The following SOCS5 variants were observed in gnomAD, a reference collection of about 807,000 sequenced individuals.
The protein encoded by SOCS5 is suppressor of cytokine signaling 5, also known as CIS-6.
SOCS5 carries 32 observed loss-of-function variants against 42.8 expected under a neutral mutation model. That is an observed-to-expected ratio of 0.75 (90% CI 0.56 to 1.01). SOCS5 has a LOEUF of 1.01. SOCS5 is among the 50% of genes least tolerant of loss of function. The probability of loss-of-function intolerance (pLI) is 0.00; values close to 1 mark genes in which losing one functional copy is unlikely to be tolerated. For missense variants in SOCS5, 627 were observed against 653.0 expected (o/e 0.96, Z 0.43); for synonymous variants, 283 against 229.6 (o/e 1.23, Z -2.10).
Position 46,729,479 on chromosome 2 carries a change from C to T in SOCS5, c.-12-29040C>T, listed in dbSNP as rs114290175. On this transcript the variant is annotated intron_variant, in intron 1 of 1. Transcript: ENST00000394861. ...AGGCCGTATAGCGTAGCCTGTTGCTCGTAGGCTACAAACCTGTATAGCCTG... is the reference window on the plus strand; with the variant it reads ...AGGCCGTATAGCGTAGCCTGTTGCTTGTAGGCTACAAACCTGTATAGCCTG... Among the ~76,000 whole-genome samples, 1,320 of 152,296 alleles carry T rather than the reference C, an allele frequency of 8.7e-3. 10 individuals are homozygous for T. Among genetic ancestry groups the T allele is most frequent in the African/African-American group, 0.016 (665 of 41,556 alleles).
chr2:46,707,469 A>G (rs1672521686), intron 1 of SOCS5, among the ~76,000 whole-genome samples: 1 of 152,220 alleles, frequency 6.6e-6, no homozygotes, highest in Admixed American at 6.5e-5. Flanking sequence ...TATTTATTGT[A>G]GATGATTAGA....
At chr2:46,731,512 G>A (rs1297597810) in intron 1 of SOCS5, among the ~76,000 whole-genome samples, 1 of 152,184 alleles carries the variant, frequency 6.6e-6, no homozygotes, top group Non-Finnish European at 1.5e-5. Flanking sequence ...CCCTCAAGGA[G>A]TTTACTGTCT....
At chr2:46,711,113 A>G (rs981921667) in intron 1 of SOCS5, among the ~76,000 whole-genome samples, 5 of 152,186 alleles carry the variant, frequency 3.3e-5, no homozygotes, top group African/African-American at 1.2e-4. Flanking sequence ...GCTACCATGA[A>G]CATTCTTGTA....
intron 1 of SOCS5, among the ~76,000 whole-genome samples, chr2:46,738,295 A>G (rs866164545): frequency 6.6e-6 from 1 of 152,314 alleles, no homozygotes. Context: ...AAATCTAGGA[A>G]TGAGACAAAA....
At chr2:46,724,143 T>G (rs1672943756) in intron 1 of SOCS5, among the ~76,000 whole-genome samples, 1 of 151,942 alleles carries the variant, frequency 6.6e-6, no homozygotes, top group South Asian at 2.1e-4. Flanking sequence ...TTGTAAGAGG[T>G]TTGCTTGGTA....
At chr2:46,728,762 G>C (rs1673048447) in intron 1 of SOCS5, among the ~76,000 whole-genome samples, 2 of 152,248 alleles carry the variant, frequency 1.3e-5, no homozygotes, top group Admixed American at 1.3e-4. Context: ...CTCCATGTTG[G>C]CCAGACTGGT....
chr2:46,719,103 T>G (rs943759160), intron 1 of SOCS5, among the ~76,000 whole-genome samples: 2 of 152,178 alleles, frequency 1.3e-5, no homozygotes, highest in Non-Finnish European at 2.9e-5. Flanking sequence ...TCTTTAAAAT[T>G]TTTATTTAGT....
chr2:46,743,619 G>C (rs1673427222), intron 1 of SOCS5, among the ~76,000 whole-genome samples: 1 of 152,136 alleles, frequency 6.6e-6, no homozygotes, highest in African/African-American at 2.4e-5. Flanking sequence ...CTGTGACTTA[G>C]AATGCCTTAA....
Position 46,758,529 on chromosome 2 carries a change from C to G in SOCS5, c.-2C>G, listed in dbSNP as rs1440448541. ...CTGTTTTGTCTTTAGATTTTATAAT[C>G]AATGGATAAAGTGGGAAAAATGTGG... On this transcript the variant is annotated 5_prime_UTR_variant, in exon 2 of 2. The change creates a new upstream start codon in the 5' untranslated region. Coordinates refer to ENST00000394861, the MANE Select transcript of SOCS5 (RefSeq NM_144949.3). The G allele has an allele frequency of 1.9e-6, 3 of 1,574,136 alleles. No homozygotes were observed. The highest frequency in any genetic ancestry group is 4.5e-5 in the East Asian group (2 of 44,622).
At chr2:46,715,136 A>T (rs1672709341) in intron 1 of SOCS5, among the ~76,000 whole-genome samples, 1 of 152,186 alleles carries the variant, frequency 6.6e-6, no homozygotes. Context: ...TGGGAGGCTG[A>T]GGTGGGTGGA....
chr2:46,738,300 A>G (rs1380178364), intron 1 of SOCS5, among the ~76,000 whole-genome samples: 3 of 152,184 alleles, frequency 2.0e-5, no homozygotes, highest in Non-Finnish European at 4.4e-5. Flanking sequence ...TAGGAATGAG[A>G]CAAAAATCTG....
chr2:46,740,213 C>G (rs1673340446), intron 1 of SOCS5, among the ~76,000 whole-genome samples: 1 of 152,104 alleles, frequency 6.6e-6, no homozygotes, highest in East Asian at 1.9e-4. Flanking sequence ...CTTACCTGGC[C>G]ATAGGTGATT....
chr2:46,759,510 A>T lies in SOCS5; in HGVS notation c.980A>T (p.Asp327Val), dbSNP rs547500762. The change falls in exon 2 of 2, where the codon GAT becomes GTT. Residue 327 changes from aspartate (D) to valine (V), a missense_variant. Transcript: ENST00000394861. ...IPQANCDSEE[D>V]TTTLCLQSRR... The stretch of plus-strand genomic sequence containing the variant: ...CAAGCTAATTGTGACTCGGAAGAGG[A>T]TACAACCACCCTGTGTTTGCAGTCA... The T allele has an allele frequency of 4.3e-6, 7 of 1,614,030 alleles. No homozygotes were observed. The highest frequency in any genetic ancestry group is 5.1e-6 in the Non-Finnish European group (6 of 1,179,872).
intron 1 of SOCS5, among the ~76,000 whole-genome samples, chr2:46,754,412 G>A (rs1224341374): frequency 6.6e-6 from 1 of 152,000 alleles, no homozygotes; most frequent in Non-Finnish European, 1.5e-5. Context: ...GTATTTCAGA[G>A]TCATTCAACT....
intron 1 of SOCS5, among the ~76,000 whole-genome samples, chr2:46,724,328 G>T (rs1453375003): frequency 1.3e-5 from 2 of 151,670 alleles, no homozygotes; most frequent in Non-Finnish European, 2.9e-5. Context: ...AATTATAGAG[G>T]GGAAAGCATT....
At chr2:46,700,118 G>T (rs184443451) in intron 1 of SOCS5, among the ~76,000 whole-genome samples, 1 of 152,124 alleles carries the variant, frequency 6.6e-6, no homozygotes, top group African/African-American at 2.4e-5. Context: ...TAGCAGAAGC[G>T]GAGTGATTTT....
intron 1 of SOCS5, among the ~76,000 whole-genome samples, chr2:46,710,208 G>A (rs992829425): frequency 9.9e-5 from 15 of 152,038 alleles, no homozygotes; most frequent in African/African-American, 1.2e-4. Flanking sequence ...GTGCAGTGGC[G>A]CAATCTCGGC....
chr2:46,709,098 A>T (rs1397042229), intron 1 of SOCS5, among the ~76,000 whole-genome samples: 2 of 151,900 alleles, frequency 1.3e-5, no homozygotes, highest in Non-Finnish European at 2.9e-5. Flanking sequence ...TGTTGGCCAG[A>T]CGGTCTCAAT....
At chr2:46,722,578 C>G (rs1672907700) in intron 1 of SOCS5, among the ~76,000 whole-genome samples, 1 of 152,138 alleles carries the variant, frequency 6.6e-6, no homozygotes, top group African/African-American at 2.4e-5. Context: ...ATCCATTCAC[C>G]TGTTGAAGGA....
Sources: allele counts gnomAD v4.1 joint callset (sites outside exome capture counted in the v4.1 genomes callset), GRCh38; gene constraint gnomAD v4.1.1; transcripts MANE v1.5; gene names NCBI Gene and HGNC (gene_info 2026-07-23, HGNC 2026-07-21).